Variants in CDKAL1 observed in about 807,000 individuals in gnomAD.
CDKAL1 encodes the protein CDKAL1 threonylcarbamoyladenosine tRNA methylthiotransferase.
In CDKAL1, 32 loss-of-function variants were observed where a neutral mutation model predicts 68.2. That is an observed-to-expected ratio of 0.47 (90% CI 0.35 to 0.63). CDKAL1 has a LOEUF of 0.63. CDKAL1 is among the 30% of genes least tolerant of loss of function. The pLI is 0.00. For synonymous variants in CDKAL1, 234 were observed against 244.3 expected (o/e 0.96, Z 0.39); for missense variants, 606 against 696.7 (o/e 0.87, Z 1.47).
At chr6:20,858,070 G>T (rs766071525) in intron 9 of CDKAL1, among the ~76,000 whole-genome samples, 6 of 152,084 alleles carry the variant, frequency 3.9e-5, no homozygotes, top group Non-Finnish European at 5.9e-5. Flanking sequence ...TGTTGGCCAG[G>T]CTGGTCTCGA....
chr6:20,838,257 A>G (rs1778038542), intron 8 of CDKAL1, among the ~76,000 whole-genome samples: 1 of 152,126 alleles, frequency 6.6e-6, no homozygotes, highest in African/African-American at 2.4e-5. Flanking sequence ...TATGGTAGGA[A>G]GTGTATAGTT....
At chr6:21,106,389 C>G (rs970795670) in intron 12 of CDKAL1, among the ~76,000 whole-genome samples, 1 of 152,118 alleles carries the variant, frequency 6.6e-6, no homozygotes, top group African/African-American at 2.4e-5. Flanking sequence ...TCTGCAGATT[C>G]AACAAACAGG....
chr6:20,907,134 AG>A lies in CDKAL1; in HGVS notation c.743-48284del, dbSNP rs1211107999. Among the ~76,000 whole-genome samples, 161 of 152,332 alleles carry A rather than the reference AG, an allele frequency of 1.1e-3. 1 individual carries two copies. Among genetic ancestry groups the A allele is most frequent in the African/African-American group, 3.7e-3 (152 of 41,586 alleles). ...GAGTTGCAATTTGGCAAGATGAAAA[AG>A]TTCTGAAGATTGATGGTTGGTGATG... On this transcript the variant is annotated intron_variant, in intron 9 of 15. Coordinates refer to ENST00000274695, the MANE Select transcript of CDKAL1 (RefSeq NM_017774.3).
rs892621388 is a variant in CDKAL1 at position 21,155,211 on chromosome 6, A to C, written c.1300-42810A>C. ...AAAACATTTAGATTTAGATTTTAAA[A>C]TGTTTAGAACATATTTTTCCCTAAG... On this transcript the variant is annotated intron_variant, in intron 13 of 15. Coordinates refer to ENST00000274695, the MANE Select transcript of CDKAL1 (RefSeq NM_017774.3). Among the ~76,000 whole-genome samples the C allele has an allele frequency of 8.5e-5, 13 of 152,186 alleles. No homozygotes were observed. The East Asian group carries it at 2.5e-3, about 29-fold the overall frequency.
chr6:20,874,504 T>A (rs1471031313), intron 9 of CDKAL1, among the ~76,000 whole-genome samples: 1 of 152,056 alleles, frequency 6.6e-6, no homozygotes, highest in Non-Finnish European at 1.5e-5. Context: ...TTTATTTGTT[T>A]GTTTGTTTGT....
chr6:21,006,768 G>A (rs1767749823), intron 11 of CDKAL1, among the ~76,000 whole-genome samples: 1 of 152,188 alleles, frequency 6.6e-6, no homozygotes, highest in South Asian at 2.1e-4. Context: ...CTGGTTTGAA[G>A]GCAACTGTTA....
intron 5 of CDKAL1, among the ~76,000 whole-genome samples, chr6:20,672,436 C>A (rs981707192): frequency 6.6e-6 from 1 of 151,896 alleles, no homozygotes. Flanking sequence ...CTCACTGCAA[C>A]CTCCACCTCC....
chr6:21,081,251 G>T (rs1031087060), intron 12 of CDKAL1, among the ~76,000 whole-genome samples: 8 of 152,146 alleles, frequency 5.3e-5, no homozygotes, highest in South Asian at 2.1e-4. Context: ...CATGCTGAAA[G>T]GTGGCAGGTA....
rs144026425 is a variant in CDKAL1, at chr6:20,833,238, G to A, written c.639-12837G>A. On this transcript the variant is annotated intron_variant, in intron 8 of 15. Coordinates refer to ENST00000274695, the MANE Select transcript of CDKAL1 (RefSeq NM_017774.3). ...GTTTTTTGTGAGCTTTACTGACTGC[G>A]TGAGAGAAGAGTTGATTCCTGAACA... Among the ~76,000 whole-genome samples the A allele has an allele frequency of 7.2e-4, 109 of 152,274 alleles. No homozygotes were observed. In the East Asian group the frequency reaches 7.3e-3, roughly 10 times the overall value.
At chr6:20,947,441 A>C (rs1764301621) in intron 9 of CDKAL1, among the ~76,000 whole-genome samples, 1 of 151,986 alleles carries the variant, frequency 6.6e-6, no homozygotes. Context: ...AAATACAAAA[A>C]TTTGCCAGGT....
chr6:21,085,392 C>G (rs1235642379), intron 12 of CDKAL1, among the ~76,000 whole-genome samples: 3 of 152,134 alleles, frequency 2.0e-5, no homozygotes, highest in Non-Finnish European at 4.4e-5. Flanking sequence ...CCTGGGTGCT[C>G]CTTACTCAAG....
At chr6:21,192,031 T>TTC (rs1562104946) in intron 13 of CDKAL1, among the ~76,000 whole-genome samples, 13 of 116,108 alleles carry the variant, frequency 1.1e-4, no homozygotes, top group African/African-American at 3.9e-4. Context: ...TTTTTTTTTT[T>TTC]TGAGACGGAG....
chr6:20,689,917 T>C (rs1413433940), intron 5 of CDKAL1, among the ~76,000 whole-genome samples: 1 of 152,218 alleles, frequency 6.6e-6, no homozygotes. Flanking sequence ...TGTTACAGAA[T>C]AGCTAACTTT....
intron 9 of CDKAL1, among the ~76,000 whole-genome samples, chr6:20,912,969 T>TA (rs1762532485): frequency 6.6e-6 from 1 of 151,534 alleles, no homozygotes; most frequent in Non-Finnish European, 1.5e-5. Context: ...GTTTATATGT[T>TA]AAAATCACAG....
chr6:21,114,306 T>C (rs1020529507), intron 13 of CDKAL1, among the ~76,000 whole-genome samples: 2 of 149,486 alleles, frequency 1.3e-5, no homozygotes, highest in African/African-American at 4.9e-5. Context: ...GATAGTTGGG[T>C]AAGGGACCAA....
intron 11 of CDKAL1, among the ~76,000 whole-genome samples, chr6:21,064,349 A>G (rs1771306256): frequency 6.6e-6 from 1 of 152,234 alleles, no homozygotes; most frequent in Non-Finnish European, 1.5e-5. Context: ...TTCAAAGATG[A>G]TAACCAGTTC....
At chr6:20,662,440 C>G (rs138650942) in intron 5 of CDKAL1, among the ~76,000 whole-genome samples, 12 of 152,152 alleles carry the variant, frequency 7.9e-5, no homozygotes, top group Non-Finnish European at 1.5e-4. Flanking sequence ...TCAAAGTGCC[C>G]TATGTTTACA....
Position 20,568,755 on chromosome 6 carries a change from A to C in CDKAL1, c.286+20050A>C, listed in dbSNP as rs1338779222. ...GCCTCAAAAAAAAAAAAAAAACAAA[A>C]AAACAAAAAAACAAAGAAATGTGAG... is the stretch of plus-strand genomic sequence containing the variant. On this transcript the variant is annotated intron_variant, in intron 4 of 15. Transcript: ENST00000274695. Among the ~76,000 whole-genome samples the C allele has an allele frequency of 3.3e-5, 5 of 150,996 alleles. No homozygotes were observed. In the East Asian group the frequency reaches 9.8e-4, roughly 29 times the overall value.
At chr6:21,044,840 C>T (rs201320) in intron 11 of CDKAL1, among the ~76,000 whole-genome samples, 24,608 of 152,072 alleles carry the variant, frequency 0.16, 2,209 homozygotes, top group Middle Eastern at 0.23. Context: ...TGAGACTGGG[C>T]AATTTATAAA....
Sources: gnomAD v4.1 joint callset for allele counts (sites outside exome capture counted in the v4.1 genomes callset) on GRCh38, gnomAD v4.1.1 for gene constraint, MANE v1.5 for transcripts, NCBI Gene and HGNC (gene_info 2026-07-23, HGNC 2026-07-21) for gene names.